Variants in GALNT14 observed in about 807,000 individuals in gnomAD.
GALNT14 encodes polypeptide N-acetylgalactosaminyltransferase 14.
A neutral mutation model predicts 77.5 loss-of-function variants in GALNT14; 60 were observed. The ratio of observed to expected loss-of-function variants is 0.77; its 90% confidence interval spans 0.63 to 0.96. The LOEUF (loss-of-function observed/expected upper bound fraction) is 0.96. Among genes scored for constraint, GALNT14 ranks in the 40% least tolerant of loss-of-function variants. GALNT14 has a pLI of 0.00. For missense variants in GALNT14, 710 were observed against 731.0 expected, an observed-to-expected ratio of 0.97 and a Z score of 0.33; for synonymous variants, 280 against 281.7, an observed-to-expected ratio of 0.99 and a Z score of 0.06.
In GALNT14 at chr2:30,943,134, C is replaced by T. The variant is rs530157978; in HGVS notation, c.828-830G>A. On this transcript the variant is annotated intron_variant, in intron 8 of 14. Transcript: ENST00000349752. ...GGACCTCTCCTCCAGAACTGCGGGACGATACATTTCTGTTGTTTAAGCAGC... is the reference window on the plus strand; with the variant it reads ...GGACCTCTCCTCCAGAACTGCGGGATGATACATTTCTGTTGTTTAAGCAGC... 1.5e-4 allele frequency among the ~76,000 whole-genome samples: 23 copies of T among 152,276 alleles called. No homozygotes were observed. In the South Asian group the frequency reaches 2.9e-3, roughly 19 times the overall value.
the GALNT14 span, among the ~76,000 whole-genome samples, chr2:30,892,917 A>G: frequency 2.0e-5 from 3 of 152,238 alleles, no homozygotes; most frequent in Non-Finnish European, 2.9e-5. Flanking sequence ...GAACTTGACA[A>G]CAATGCCTTC....
intron 1 of GALNT14, chr2:31,065,446 T>C (rs1674882350): frequency 6.6e-6 from 1 of 151,990 alleles, no homozygotes; most frequent in South Asian, 2.1e-4. Context: ...TTCAGGAAAG[T>C]GGTAAGAATT....
chr2:31,014,407 T>C (rs1292825224), intron 1 of GALNT14, among the ~76,000 whole-genome samples: 1 of 152,090 alleles, frequency 6.6e-6, no homozygotes, highest in African/African-American at 2.4e-5. Context: ...CAGAGAGGCA[T>C]TGGGCCCCCA....
downstream of GALNT14, among the ~76,000 whole-genome samples, chr2:30,907,064 G>A (rs1313581843): frequency 6.6e-6 from 1 of 152,212 alleles, no homozygotes; most frequent in African/African-American, 2.4e-5. Context: ...AAAGCAGTGT[G>A]TAGAGGGAAA....
intron 1 of GALNT14, among the ~76,000 whole-genome samples, chr2:31,027,917 T>TGTGTGTGTGTGTGTGTGTGC (rs1303110300): frequency 1.3e-5 from 2 of 150,524 alleles, no homozygotes; most frequent in East Asian, 1.9e-4. Flanking sequence ...TGTGTGTGTG[T>TGTGTGTGTGTGTGTGTGTGC]GCACGCATGC....
chr2:30,942,515 G>A (rs923981824), intron 8 of GALNT14, among the ~76,000 whole-genome samples: 2 of 152,168 alleles, frequency 1.3e-5, no homozygotes, highest in African/African-American at 4.8e-5. Context: ...CAAGCTCCAG[G>A]GTTTTTCCTG....
intron 3 of GALNT14, among the ~76,000 whole-genome samples, chr2:30,963,314 G>A (rs975960041): frequency 2.0e-5 from 3 of 152,232 alleles, no homozygotes; most frequent in Admixed American, 1.3e-4. Context: ...GACGCCTGAT[G>A]CCTCTGCTCT....
chr2:30,927,077 C>T (rs537779769), intron 11 of GALNT14, among the ~76,000 whole-genome samples: 81 of 152,124 alleles, frequency 5.3e-4, no homozygotes, highest in Non-Finnish European at 8.4e-4. Context: ...GAGGAGAGAC[C>T]GGGGATCAGG....
intron 1 of GALNT14, among the ~76,000 whole-genome samples, chr2:31,128,125 C>G (rs530934444): frequency 2.0e-5 from 3 of 152,096 alleles, no homozygotes; most frequent in Non-Finnish European, 4.4e-5. Context: ...CCTGATCTTA[C>G]GCTTTCCTAA....
intron 1 of GALNT14, among the ~76,000 whole-genome samples, chr2:31,123,912 C>T (rs1381862608): frequency 1.3e-5 from 2 of 152,118 alleles, no homozygotes; most frequent in East Asian, 3.9e-4. Flanking sequence ...AACAGCATCC[C>T]CAGAGACACA....
chr2:30,909,801 C>G (rs9798020), downstream of GALNT14, among the ~76,000 whole-genome samples: 32,291 of 150,786 alleles, frequency 0.21, 4,403 homozygotes, highest in African/African-American at 0.39. Context: ...CAAAGACTTG[C>G]AACCAACCCA....
chr2:30,953,054 C>T (rs1667134131), intron 6 of GALNT14, among the ~76,000 whole-genome samples: 1 of 152,214 alleles, frequency 6.6e-6, no homozygotes, highest in South Asian at 2.1e-4. Context: ...GCTAAGTACT[C>T]CTAGACTCAG....
intron 2 of GALNT14, among the ~76,000 whole-genome samples, chr2:30,982,297 C>T (rs1408433734): frequency 6.6e-6 from 1 of 152,172 alleles, no homozygotes; most frequent in African/African-American, 2.4e-5. Context: ...TTGATGATAT[C>T]TACAGAAGCT....
At chr2:30,926,011 C>T (rs111676118) in intron 11 of GALNT14, among the ~76,000 whole-genome samples, 4,177 of 152,212 alleles carry the variant, frequency 0.027, 183 homozygotes, top group African/African-American at 0.096. Flanking sequence ...TCTTTTTCTT[C>T]CTGGGCAAAC....
chr2:30,926,051 C>T (rs1665356238), intron 11 of GALNT14, among the ~76,000 whole-genome samples: 3 of 152,190 alleles, frequency 2.0e-5, no homozygotes, highest in African/African-American at 7.2e-5. Flanking sequence ...TCCTGTCCAA[C>T]TCACTTCCTT....
At chr2:31,081,282 G>A (rs887885437) in intron 1 of GALNT14, among the ~76,000 whole-genome samples, 2 of 152,182 alleles carry the variant, frequency 1.3e-5, no homozygotes, top group Admixed American at 6.6e-5. Context: ...TGGCAATAAT[G>A]AAGATAAATA....
At chr2:31,123,132 A>C (rs1266825066) in intron 1 of GALNT14, among the ~76,000 whole-genome samples, 3 of 130,120 alleles carry the variant, frequency 2.3e-5, no homozygotes, top group Non-Finnish European at 4.6e-5. Flanking sequence ...CAGTGAGCCG[A>C]GGTGGCACCA....
Position 31,138,078 on chromosome 2 carries a change from G to T in GALNT14, c.9C>A (p.Arg3=). Residue 3 remains arginine, a synonymous_variant, in exon 1 of 15, where the codon CGC becomes CGA. Coordinates refer to ENST00000349752, the MANE Select transcript of GALNT14 (RefSeq NM_024572.4). ...CTGGCAGAACCAGCCGACGAGTCAGGCGCCGCATGGTCCCCTTTGCCGCTT... is the reference window on the plus strand; with the variant it reads ...CTGGCAGAACCAGCCGACGAGTCAGTCGCCGCATGGTCCCCTTTGCCGCTT... MR[R]LTRRLVLPVF... is the part of the protein sequence containing the mutation. The T allele has an allele frequency of 6.2e-7, 1 of 1,613,738 alleles. No individual in the cohort carries two copies. The highest frequency in any genetic ancestry group is 8.5e-7 in the Non-Finnish European group (1 of 1,179,786).
intron 1 of GALNT14, among the ~76,000 whole-genome samples, chr2:31,054,229 G>A (rs779678245): frequency 6.6e-6 from 1 of 152,176 alleles, no homozygotes; most frequent in Non-Finnish European, 1.5e-5. Context: ...TTTTTCAAAA[G>A]TAGTTTGCAA....
Sources: gnomAD v4.1 joint callset for allele counts (sites outside exome capture counted in the v4.1 genomes callset) on GRCh38, gnomAD v4.1.1 for gene constraint, MANE v1.5 for transcripts, NCBI Gene and HGNC (gene_info 2026-07-23, HGNC 2026-07-21) for gene names.